The following NBEA variants were observed in gnomAD, a reference collection of about 807,000 sequenced individuals.
The protein encoded by NBEA is neurobeachin.
NBEA carries 44 observed loss-of-function variants against 343.4 expected under a neutral mutation model. That is an observed-to-expected ratio of 0.13 (90% CI 0.10 to 0.16). The LOEUF is 0.16. NBEA is among the 10% of genes least tolerant of loss of function. NBEA has a pLI of 1.00. For missense variants in NBEA, 2,555 were observed against 3,631.3 expected, an observed-to-expected ratio of 0.70 and a Z score of 7.62; for synonymous variants, 1,175 against 1,238.7, an observed-to-expected ratio of 0.95 and a Z score of 1.08.
At chr13:35,035,949 T>C (rs1430041362) in intron 1 of NBEA, among the ~76,000 whole-genome samples, 1 of 152,042 alleles carries the variant, frequency 6.6e-6, no homozygotes, top group Admixed American at 6.6e-5. Context: ...CAATAGGTCT[T>C]GCTCTTTCAT....
At chr13:35,365,570 T>G (rs2041054788) in intron 38 of NBEA, among the ~76,000 whole-genome samples, 1 of 151,700 alleles carries the variant, frequency 6.6e-6, no homozygotes, top group Non-Finnish European at 1.5e-5. Flanking sequence ...AAGGCATTTT[T>G]GTTGAAATCA....
intron 1 of NBEA, among the ~76,000 whole-genome samples, chr13:35,018,581 A>G (rs1407858181): frequency 6.6e-6 from 1 of 152,116 alleles, no homozygotes; most frequent in Non-Finnish European, 1.5e-5. Context: ...GTTTGTGTAT[A>G]TTGATCTTAA....
chr13:35,578,995 T>G (rs1398699887), intron 45 of NBEA, among the ~76,000 whole-genome samples: 3 of 152,144 alleles, frequency 2.0e-5, no homozygotes, highest in East Asian at 3.8e-4. Context: ...ATGTGTGGAA[T>G]TTTCCACTTA....
chr13:35,409,660 CT>C (rs903208420), intron 38 of NBEA, among the ~76,000 whole-genome samples: 41 of 152,054 alleles, frequency 2.7e-4, no homozygotes, highest in African/African-American at 9.6e-4. Context: ...GTTTCTCTTT[CT>C]GATAAATAAG....
At chr13:35,624,802 G>A (rs1053854988) in intron 48 of NBEA, among the ~76,000 whole-genome samples, 1 of 151,622 alleles carries the variant, frequency 6.6e-6, no homozygotes, top group Non-Finnish European at 1.5e-5. Context: ...TAGAAAGCTG[G>A]GCACACACAT....
chr13:35,221,802 C>G (rs2074384689), intron 33 of NBEA, among the ~76,000 whole-genome samples: 1 of 151,938 alleles, frequency 6.6e-6, no homozygotes, highest in African/African-American at 2.4e-5. Context: ...TTTTTCTAAG[C>G]TTTTTTTCCT....
intron 38 of NBEA, among the ~76,000 whole-genome samples, chr13:35,397,948 C>G (rs1304775816): frequency 3.3e-5 from 5 of 152,116 alleles, no homozygotes; most frequent in African/African-American, 1.2e-4. Flanking sequence ...TCAGTTGACT[C>G]TTCCCTTCAC....
At chr13:35,216,479 C>T (rs975280926) in intron 33 of NBEA, among the ~76,000 whole-genome samples, 3 of 151,946 alleles carry the variant, frequency 2.0e-5, no homozygotes, top group African/African-American at 7.2e-5. Context: ...CCCAGCCCCT[C>T]TCTTGGATCT....
chr13:35,670,949 A>C lies in NBEA; in HGVS notation c.8862A>C (p.Ile2954=), dbSNP rs2085591861. Residue 2954 remains isoleucine (I), a synonymous_variant, in exon 59 of 59, where the codon ATA becomes ATC. Coordinates refer to ENST00000379939, the MANE Select transcript of NBEA (RefSeq NM_001385012.1). ...CTGGTAGCATTGTAGCTTTTAATAT[A>C]GATTTTAATCGGTGGCATTATGAGC... The part of the protein sequence containing the change: ...MASGSIVAFN[I]DFNRWHYEHQ... 3 of 1,593,524 alleles carry C rather than the reference A, an allele frequency of 1.9e-6. No individual in the cohort carries two copies. In the African/African-American group the frequency reaches 4.0e-5, roughly 21 times the overall value.
intron 49 of NBEA, among the ~76,000 whole-genome samples, chr13:35,631,596 G>T: frequency 8.3e-6 from 1 of 120,844 alleles, no homozygotes; most frequent in Admixed American, 9.5e-5. Flanking sequence ...AATTTAAAAA[G>T]AGAAATATTT....
At position 35,490,611 on chromosome 13, in the gene NBEA, A is replaced by C. The variant is rs183581251; in HGVS notation, c.6585+18075A>C. ...GAAAACATGTCTTAGGAACTTGATG[A>C]AAAGTTGCAGGTCATTTTTTTAAGA... On this transcript the variant is annotated intron_variant, in intron 41 of 58. Coordinates refer to ENST00000379939, the MANE Select transcript of NBEA (RefSeq NM_001385012.1). Among the ~76,000 whole-genome samples, 11 of 152,122 alleles carry C rather than the reference A, an allele frequency of 7.2e-5. No individual in the cohort carries two copies. The East Asian group carries it at 1.7e-3, about 24-fold the overall frequency.
At chr13:35,242,031 A>T (rs2030386821) in intron 34 of NBEA, among the ~76,000 whole-genome samples, 1 of 151,932 alleles carries the variant, frequency 6.6e-6, no homozygotes, top group Non-Finnish European at 1.5e-5. Context: ...AGAGAAACAT[A>T]GTTCATGCAA....
chr13:35,486,555 T>C (rs1396444771), intron 41 of NBEA, among the ~76,000 whole-genome samples: 1 of 152,016 alleles, frequency 6.6e-6, no homozygotes, highest in East Asian at 1.9e-4. Context: ...ATAAAGAGAC[T>C]GAGGTTTAGA....
intron 18 of NBEA, among the ~76,000 whole-genome samples, chr13:35,147,111 A>G (rs2068480148): frequency 6.6e-6 from 1 of 152,140 alleles, no homozygotes; most frequent in Non-Finnish European, 1.5e-5. Flanking sequence ...CCCTTCACTA[A>G]ACAAGTCACC....
At chr13:35,644,839 A>G (rs1386069593) in intron 49 of NBEA, among the ~76,000 whole-genome samples, 4 of 152,240 alleles carry the variant, frequency 2.6e-5, no homozygotes, top group Non-Finnish European at 5.9e-5. Context: ...AATGCATCAT[A>G]TGTGAATAAA....
intron 36 of NBEA, among the ~76,000 whole-genome samples, chr13:35,333,494 A>AAAATG (rs2039058418): frequency 6.6e-6 from 1 of 152,104 alleles, no homozygotes; most frequent in Non-Finnish European, 1.5e-5. Context: ...CACATCATGG[A>AAAATG]AAATGGGGTA....
chr13:35,613,058 C>G (rs1461800346), intron 48 of NBEA, among the ~76,000 whole-genome samples: 2 of 150,156 alleles, frequency 1.3e-5, no homozygotes, highest in Middle Eastern at 3.5e-3. Context: ...GTGGTAAGAA[C>G]ATTTAAAATA....
intron 33 of NBEA, 75 bp downstream of exon 33, chr13:35,211,254 TAGAA>T: frequency 1.6e-6 from 2 of 1,224,002 alleles, no homozygotes; most frequent in African/African-American, 1.5e-5. Flanking sequence ...TACAAAAATA[TAGAA>T]AGAGTTCTTG....
At chr13:35,271,935 G>T (rs945044628) in intron 34 of NBEA, among the ~76,000 whole-genome samples, 1 of 152,146 alleles carries the variant, frequency 6.6e-6, no homozygotes, top group African/African-American at 2.4e-5. Flanking sequence ...ACATTCTTCA[G>T]GATATTATCC....
Sources: gnomAD v4.1 joint callset for allele counts (sites outside exome capture counted in the v4.1 genomes callset) on GRCh38, gnomAD v4.1.1 for gene constraint, MANE v1.5 for transcripts, NCBI Gene and HGNC (gene_info 2026-07-23, HGNC 2026-07-21) for gene names.